Variants in TRPM3 observed in about 807,000 individuals in gnomAD.
TRPM3 encodes transient receptor potential cation channel subfamily M member 3.
A neutral mutation model predicts 181.2 loss-of-function variants in TRPM3; 77 were observed. That is an observed-to-expected ratio of 0.42 (90% confidence interval 0.35 to 0.51). TRPM3 has a LOEUF of 0.51. Among genes scored for constraint, TRPM3 ranks in the 20% least tolerant of loss-of-function variants. The probability of loss-of-function intolerance (pLI) is 0.01; values close to 1 mark genes in which losing one functional copy is unlikely to be tolerated. For missense variants in TRPM3, 1,759 were observed against 2,196.7 expected, an observed-to-expected ratio of 0.80 and a Z score of 3.98; for synonymous variants, 745 against 796.4, an observed-to-expected ratio of 0.94 and a Z score of 1.09.
chr9:70,852,122 T>G (rs2095251030), intron 3 of TRPM3, among the ~76,000 whole-genome samples: 1 of 81,342 alleles, frequency 1.2e-5, no homozygotes, highest in African/African-American at 5.9e-5. Flanking sequence ...AGCAAGACTC[T>G]ATCTCCAAAA....
At chr9:71,118,036 C>T (rs1023904266) in intron 1 of TRPM3, among the ~76,000 whole-genome samples, 1 of 152,178 alleles carries the variant, frequency 6.6e-6, no homozygotes, top group Non-Finnish European at 1.5e-5. Context: ...CATTCTGTCA[C>T]TGAAATAAAC....
At position 71,302,929 on chromosome 9, in the gene TRPM3, G is replaced by T. The variant is rs547693673; in HGVS notation, c.183+143724C>A. On this transcript the variant is annotated intron_variant, in intron 1 of 24. Coordinates refer to the TRPM3 transcript ENST00000357533. ...GCTATGTCACTGAGAAAGGCCTAGG[G>T]AAGATATCTCGTGGCCACAGTAAAG... Among the ~76,000 whole-genome samples the T allele has an allele frequency of 7.2e-5, 11 of 152,250 alleles. No individual in the cohort carries two copies. The South Asian group carries it at 2.3e-3, about 32-fold the overall frequency.
At chr9:70,600,554 A>G (rs2059711975) in intron 20 of TRPM3, among the ~76,000 whole-genome samples, 2 of 152,136 alleles carry the variant, frequency 1.3e-5, no homozygotes, top group African/African-American at 4.8e-5. Flanking sequence ...AATCAGCTGG[A>G]AGGCTGGGTA....
chr9:70,899,175 A>G (rs2096344261), intron 1 of TRPM3, among the ~76,000 whole-genome samples: 1 of 152,226 alleles, frequency 6.6e-6, no homozygotes. Flanking sequence ...TTTAGAGGGA[A>G]AGAGAGATTT....
At chr9:70,610,824 A>T in intron 18 of TRPM3, 75 bp from the exon 19 acceptor site, 2 of 1,556,606 alleles carry the variant, frequency 1.3e-6, no homozygotes, top group Non-Finnish European at 8.7e-7. Flanking sequence ...TACTTTACAG[A>T]TGAGGAAAGG....
At chr9:71,302,062 T>A (rs367992132) in intron 1 of TRPM3, among the ~76,000 whole-genome samples, 1 of 152,096 alleles carries the variant, frequency 6.6e-6, no homozygotes, top group Non-Finnish European at 1.5e-5. Context: ...TATAGCAAAC[T>A]CCAAATGTCT....
upstream of TRPM3, among the ~76,000 whole-genome samples, chr9:71,123,951 G>T (rs2134413144): frequency 6.6e-6 from 1 of 152,262 alleles, no homozygotes; most frequent in South Asian, 2.1e-4. Flanking sequence ...CATGGCCTTT[G>T]ATCCTATCCC....
chr9:70,864,655 C>T (rs2095608349), intron 1 of TRPM3, 144 bp from the exon 2 acceptor site: 1 of 455,940 alleles, frequency 2.2e-6, no homozygotes, highest in African/African-American at 2.0e-5. Context: ...GTGATTATTT[C>T]ACACATAAAC....
At chr9:70,916,897 G>A in intron 1 of TRPM3, 6 of 758,024 alleles carry the variant, frequency 7.9e-6, no homozygotes, top group Non-Finnish European at 1.3e-5. Flanking sequence ...TGGCAGATGG[G>A]GAGGCAAGTG....
chr9:71,295,790 G>A (rs1277394545), intron 1 of TRPM3, among the ~76,000 whole-genome samples: 2 of 138,120 alleles, frequency 1.4e-5, no homozygotes, highest in Non-Finnish European at 3.0e-5. Context: ...AGTAAGCCAC[G>A]ATCATGCCAC....
intron 1 of TRPM3, among the ~76,000 whole-genome samples, chr9:70,990,074 C>G (rs2097462652): frequency 6.6e-6 from 1 of 152,044 alleles, no homozygotes; most frequent in Admixed American, 6.6e-5. Context: ...AATAACTTGC[C>G]CCAAATCACA....
intron 3 of TRPM3, among the ~76,000 whole-genome samples, chr9:70,857,444 A>G (rs10868916): frequency 1.3e-5 from 2 of 151,848 alleles, no homozygotes; most frequent in African/African-American, 4.8e-5. Flanking sequence ...GTTTACGAAG[A>G]CCCCTTCCTG....
intron 1 of TRPM3, among the ~76,000 whole-genome samples, chr9:71,240,056 C>T (rs2081576024): frequency 6.6e-6 from 1 of 152,092 alleles, no homozygotes; most frequent in Non-Finnish European, 1.5e-5. Context: ...GTTCTTTTGT[C>T]AAGGATTAAC....
At chr9:71,295,804 A>C (rs1033228403) in intron 1 of TRPM3, among the ~76,000 whole-genome samples, 3 of 145,856 alleles carry the variant, frequency 2.1e-5, no homozygotes, top group Admixed American at 7.2e-5. Context: ...ATGCCACTGC[A>C]TGCCAGCTTG....
At chr9:71,432,323 CTTTTTTTT>C (rs67905820) in intron 1 of TRPM3, among the ~76,000 whole-genome samples, 1,854 of 76,786 alleles carry the variant, frequency 0.024, 56 homozygotes, top group African/African-American at 0.079. Flanking sequence ...AAAAGTAGGA[CTTTTTTTT>C]TTTTTTTTTT....
rs2092393944 is a variant in TRPM3, at chr9:71,368,007, A to T, written c.183+78646T>A. On this transcript the variant is annotated intron_variant, in intron 1 of 24. Coordinates refer to the TRPM3 transcript ENST00000357533. The stretch of plus-strand genomic sequence containing the variant: ...ACATATATGTGCACACACACATGTG[A>T]GTGTATGTGTACACACACACATATG... Among the ~76,000 whole-genome samples, 4 of 149,400 alleles carry T rather than the reference A, an allele frequency of 2.7e-5. 1 individual carries two copies. Among genetic ancestry groups the T allele is most frequent in the Middle Eastern group, 6.9e-3 (2 of 288 alleles).
In TRPM3 at chr9:70,784,139, G is replaced by A; in HGVS notation, c.1114C>T (p.Leu372=). Residue 372 remains leucine (L), a synonymous_variant, in exon 7 of 26, where the codon CTG becomes TTG. Transcript: ENST00000677713. ...CDGSGRASDI[L]AFGHKYSEEG... ...TCTGAGTATTTATGCCCAAAGGCCA[G>A]GATGTCCGATGCCCGTCCACTCCCA... 1 of 1,613,700 alleles carries A rather than the reference G, an allele frequency of 6.2e-7. No homozygotes were observed. Among genetic ancestry groups the A allele is most frequent in the Non-Finnish European group, 8.5e-7 (1 of 1,179,786 alleles).
chr9:71,100,049 T>A (rs975139605), intron 1 of TRPM3, among the ~76,000 whole-genome samples: 1 of 152,190 alleles, frequency 6.6e-6, no homozygotes, highest in African/African-American at 2.4e-5. Context: ...CCTGACACAG[T>A]CTGACTTCAG....
At chr9:70,995,585 A>C (rs536333899) in intron 1 of TRPM3, among the ~76,000 whole-genome samples, 3 of 152,144 alleles carry the variant, frequency 2.0e-5, no homozygotes, top group East Asian at 1.9e-4. Context: ...TTTTTCTCCC[A>C]TTAGGCTGTG....
Sources: allele counts gnomAD v4.1 joint callset (sites outside exome capture counted in the v4.1 genomes callset), GRCh38; gene constraint gnomAD v4.1.1; transcripts MANE v1.5; gene names NCBI Gene and HGNC (gene_info 2026-07-23, HGNC 2026-07-21).